RASGRF1: variants seen among roughly 807,000 people sequenced by gnomAD.
RASGRF1 encodes Ras protein specific guanine nucleotide releasing factor 1, also known as ras-specific guanine nucleotide-releasing factor 1.
In RASGRF1, 40 loss-of-function variants were observed where a neutral mutation model predicts 138.7. That is an observed-to-expected ratio of 0.29 (90% confidence interval 0.22 to 0.38). RASGRF1 has a LOEUF of 0.38. Ranked by LOEUF, RASGRF1 falls within the 10% of genes least tolerant of loss-of-function variation. RASGRF1 has a pLI of 1.00. For synonymous variants in RASGRF1, 614 were observed against 663.2 expected (o/e 0.93, Z 1.14); for missense variants, 1,108 against 1,650.4 (o/e 0.67, Z 5.69).
chr15:78,990,282 A>G lies in RASGRF1; in HGVS notation c.3132-9T>C. The G allele has an allele frequency of 1.3e-6, 2 of 1,568,164 alleles. No homozygotes were observed. Among genetic ancestry groups the G allele is most frequent in the Non-Finnish European group, 1.8e-6 (2 of 1,138,260 alleles). The stretch of plus-strand genomic sequence containing the variant: ...CTTGTCCGAAGAACTCCCTGTAGGA[A>G]GTAAGGGGAGACCCAGGTGGAGGGG... On this transcript the variant is annotated splice_polypyrimidine_tract_variant and intron_variant, in intron 21 of 26. Coordinates refer to ENST00000558480, the MANE Select transcript of RASGRF1 (RefSeq NM_001145648.3).
At position 78,996,908 on chromosome 15, in the gene RASGRF1, T is replaced by TG. The variant is rs547603579; in HGVS notation, c.2967-1109dup. On this transcript the variant is annotated intron_variant, in intron 19 of 26. Coordinates refer to ENST00000558480, the MANE Select transcript of RASGRF1 (RefSeq NM_001145648.3). ...GGGCACTCTGGTCACAGGCAGGACT[T>TG]GGGGGAAAGTCTGGGGAGGCTGGGG... is the stretch of plus-strand genomic sequence containing the variant. Among the ~76,000 whole-genome samples the TG allele has an allele frequency of 2.3e-4, 35 of 152,028 alleles. No individual in the cohort carries two copies. The East Asian group carries it at 5.8e-3, about 25-fold the overall frequency.
At chr15:79,067,147 T>G (rs1350835500) in intron 1 of RASGRF1, among the ~76,000 whole-genome samples, 1 of 151,910 alleles carries the variant, frequency 6.6e-6, no homozygotes, top group African/African-American at 2.4e-5. Context: ...TATGGAGGGG[T>G]GGCCTTCGGG....
chr15:78,985,028 C>A lies in RASGRF1; in HGVS notation c.3393G>T (p.Thr1131=), dbSNP rs753120852. 6.2e-7 allele frequency: 1 copy of A among 1,614,168 alleles called. No individual in the cohort carries two copies. Among genetic ancestry groups the A allele is most frequent in the Admixed American group, 1.7e-5 (1 of 60,024 alleles). The change falls in exon 23 of 27, where the codon ACG becomes ACT. Residue 1131 remains threonine (T), a synonymous_variant. Transcript: ENST00000558480. ...GCACCTGCTTAGAGACTTTGAGCCA[C>A]GTCTTTTTGAGCCGGAAGATTGCAC... ...NRSAIFRLKK[T]WLKVSKQTKA... is the part of the protein sequence containing the mutation.
intron 1 of RASGRF1, among the ~76,000 whole-genome samples, chr15:79,071,774 T>C (rs1232251741): frequency 3.9e-5 from 6 of 152,114 alleles, no homozygotes; most frequent in Non-Finnish European, 5.9e-5. Flanking sequence ...TCTTTCCACA[T>C]GGCAGGTGAA....
At chr15:78,988,701 C>T (rs144610867) in intron 22 of RASGRF1, among the ~76,000 whole-genome samples, 2 of 152,144 alleles carry the variant, frequency 1.3e-5, no homozygotes, top group Non-Finnish European at 2.9e-5. Flanking sequence ...GCTCTTTCCT[C>T]GTGTTGATGA....
At chr15:79,069,644 G>A (rs1645044842) in intron 1 of RASGRF1, among the ~76,000 whole-genome samples, 1 of 152,144 alleles carries the variant, frequency 6.6e-6, no homozygotes, top group Non-Finnish European at 1.5e-5. Flanking sequence ...TTTTGGTGAT[G>A]GTATCAGAAT....
chr15:79,029,600 G>A (rs2140996315), intron 8 of RASGRF1, among the ~76,000 whole-genome samples: 3 of 152,308 alleles, frequency 2.0e-5, no homozygotes, highest in Admixed American at 2.0e-4. Context: ...TCAGCGAGCA[G>A]AGAATATAGG....
chr15:78,984,955 C>A, intron 23 of RASGRF1, 52 bp downstream of exon 23: 2 of 1,575,846 alleles, frequency 1.3e-6, no homozygotes, highest in Non-Finnish European at 1.7e-6. Context: ...TCTTCCTGCC[C>A]TAGCCCCAAT....
chr15:79,007,307 C>T (rs1439028054), intron 13 of RASGRF1, among the ~76,000 whole-genome samples: 2 of 152,170 alleles, frequency 1.3e-5, no homozygotes, highest in African/African-American at 2.4e-5. Flanking sequence ...TACCACACAG[C>T]GCCCTCTGGT....
intron 2 of RASGRF1, among the ~76,000 whole-genome samples, chr15:79,062,950 G>A (rs2057627748): frequency 6.6e-6 from 1 of 151,812 alleles, no homozygotes; most frequent in Non-Finnish European, 1.5e-5. Flanking sequence ...TGTTGTCGTA[G>A]GGGGGTGGGT....
Position 78,978,223 on chromosome 15 carries a change from T to TTC in RASGRF1, c.3494+2396_3494+2397insGA, listed in dbSNP as rs1374714643. ...CTTTTTCTTTTTCTTTTCTTTTGTT[T>TTC]TTTTTTTTTTTTTTTTTTTTTGAGA... On this transcript the variant is annotated intron_variant, in intron 24 of 26. Coordinates refer to ENST00000558480, the MANE Select transcript of RASGRF1 (RefSeq NM_001145648.3). Among the ~76,000 whole-genome samples, 187 of 24,268 alleles carry TTC rather than the reference T, an allele frequency of 7.7e-3. 5 individuals carry two copies. The highest frequency in any genetic ancestry group is 0.011 in the Admixed American group (13 of 1,204). 15.9% of individuals were successfully genotyped at this position (24,268 alleles called of 152,430 possible). A position where few individuals can be genotyped will look rare whatever the true frequency, so the allele number is the denominator to read the frequency against.
intron 2 of RASGRF1, among the ~76,000 whole-genome samples, chr15:79,059,222 TCCTTCCCTTC>T (rs377302880): frequency 5.2e-4 from 30 of 57,754 alleles, no homozygotes; most frequent in South Asian, 1.7e-3. Flanking sequence ...CCCTTCCCTA[TCCTTCCCTTC>T]CCTTCCCTTC....
intron 12 of RASGRF1, 86 bp from the exon 13 acceptor site, chr15:79,015,495 C>G: frequency 8.0e-7 from 1 of 1,245,510 alleles, no homozygotes; most frequent in Non-Finnish European, 1.2e-6. Flanking sequence ...GTAAAGTTCA[C>G]ATGCCTCAGT....
At position 78,984,199 on chromosome 15, in the gene RASGRF1, C is replaced by T. The variant is rs114161526; in HGVS notation, c.3414+808G>A. On this transcript the variant is annotated intron_variant, in intron 23 of 26. Coordinates refer to ENST00000558480, the MANE Select transcript of RASGRF1 (RefSeq NM_001145648.3). ...ACTGGGTCCCACACAGCCCACCCAG[C>T]GTCAGGATGACAGACACTGCTGCCA... Among the ~76,000 whole-genome samples, 290 of 152,292 alleles carry T rather than the reference C, an allele frequency of 1.9e-3. 2 individuals are homozygous for T. The highest frequency in any genetic ancestry group is 6.6e-3 in the African/African-American group (276 of 41,550).
At chr15:78,991,616 C>A in intron 21 of RASGRF1, 75 bp downstream of exon 21, 1 of 1,177,352 alleles carries the variant, frequency 8.5e-7, no homozygotes, top group South Asian at 1.3e-5. Flanking sequence ...AAATTCACTG[C>A]GTGTGCTTCC....
intron 1 of RASGRF1, among the ~76,000 whole-genome samples, chr15:79,071,363 T>A (rs1392180061): frequency 6.7e-6 from 1 of 148,286 alleles, no homozygotes; most frequent in Non-Finnish European, 1.5e-5. Flanking sequence ...TTTTCTTTTT[T>A]CTTTTTTTTT....
chr15:78,970,778 C>A (rs948620453), intron 26 of RASGRF1, among the ~76,000 whole-genome samples: 2 of 150,788 alleles, frequency 1.3e-5, no homozygotes, highest in African/African-American at 2.4e-5. Context: ...ACATGCCAAC[C>A]ATTCTTTTTT....
intron 2 of RASGRF1, 112 bp from the exon 3 acceptor site, chr15:79,058,593 G>A (rs1021209271): frequency 2.9e-6 from 4 of 1,366,826 alleles, no homozygotes; most frequent in Admixed American, 4.1e-5. Flanking sequence ...TTAGCAGAAG[G>A]CCCTGACTCC....
chr15:78,974,768 C>CTCTGA (rs1212426672), intron 24 of RASGRF1, among the ~76,000 whole-genome samples: 1 of 152,186 alleles, frequency 6.6e-6, no homozygotes, highest in East Asian at 1.9e-4. Context: ...TGTTGGCAAA[C>CTCTGA]ATCAGTATTT....
Sources: allele counts gnomAD v4.1 joint callset (sites outside exome capture counted in the v4.1 genomes callset), GRCh38; gene constraint gnomAD v4.1.1; transcripts MANE v1.5; gene names NCBI Gene and HGNC (gene_info 2026-07-23, HGNC 2026-07-21).